Variants in SULT1B1 observed in about 807,000 individuals in gnomAD.
SULT1B1 encodes the protein sulfotransferase 1B1.
A neutral mutation model predicts 34.6 loss-of-function variants in SULT1B1; 28 were observed. That is an observed-to-expected ratio of 0.81 (90% CI 0.60 to 1.11). The LOEUF is 1.11. Ranked by LOEUF, SULT1B1 falls within the 50% of genes least tolerant of loss-of-function variation. The pLI, the probability that SULT1B1 is intolerant of heterozygous loss-of-function variation, is 0.00. For synonymous variants in SULT1B1, 147 were observed against 110.2 expected, an observed-to-expected ratio of 1.33 and a Z score of -2.09; for missense variants, 374 against 352.2, an observed-to-expected ratio of 1.06 and a Z score of -0.50.
intron 5 of SULT1B1, 63 bp from the exon 6 acceptor site, chr4:69,733,570 A>G: frequency 8.1e-7 from 1 of 1,228,562 alleles, no homozygotes; most frequent in Non-Finnish European, 1.1e-6. Flanking sequence ...CTGTCTGAAT[A>G]GTAAATCAAA....
At chr4:69,731,876 T>C (rs1718094106) in intron 6 of SULT1B1, among the ~76,000 whole-genome samples, 1 of 152,164 alleles carries the variant, frequency 6.6e-6, no homozygotes, top group African/African-American at 2.4e-5. Context: ...TGGGAAACAG[T>C]GTAATGGTTG....
At chr4:69,735,026 G>A (rs1718246501) in intron 4 of SULT1B1, among the ~76,000 whole-genome samples, 2 of 151,980 alleles carry the variant, frequency 1.3e-5, no homozygotes, top group Middle Eastern at 3.2e-3. Flanking sequence ...CACCATGTTA[G>A]CCAGGATGGT....
rs745447083 is a variant in SULT1B1 at position 69,754,724 on chromosome 4, T to C, written c.223A>G (p.Ile75Val). Residue 75 changes from isoleucine to valine, a missense_variant, in exon 3 of 8, where the codon ATT becomes GTT. Transcript: ENST00000310613. Reference sequence around the variant, plus strand: ...TCCAACATTGGAACTTTTTCAGTAATAAAACCTCGCTTACATTTTTCAATA... The same window carrying C: ...TCCAACATTGGAACTTTTTCAGTAACAAAACCTCGCTTACATTTTTCAATA... ...GDIEKCKRGF[I>V]TEKVPMLEMT... 1 of 1,613,464 alleles carries C rather than the reference T, an allele frequency of 6.2e-7. No homozygotes were observed. The highest frequency in any genetic ancestry group is 1.1e-5 in the South Asian group (1 of 91,054).
chr4:69,756,865 A>G (rs1346581897), intron 1 of SULT1B1, among the ~76,000 whole-genome samples: 2 of 152,042 alleles, frequency 1.3e-5, no homozygotes, highest in Middle Eastern at 3.2e-3. Context: ...CAGGCCTTCA[A>G]CTGATTGCGT....
intron 4 of SULT1B1, among the ~76,000 whole-genome samples, chr4:69,743,205 A>G (rs1462202598): frequency 6.6e-6 from 1 of 152,118 alleles, no homozygotes; most frequent in Non-Finnish European, 1.5e-5. Context: ...TGCATTCAGG[A>G]AGACTGAGGT....
intron 4 of SULT1B1, among the ~76,000 whole-genome samples, chr4:69,745,109 T>C (rs1718701974): frequency 6.6e-6 from 1 of 152,238 alleles, no homozygotes; most frequent in Non-Finnish European, 1.5e-5. Flanking sequence ...GGTATGATTT[T>C]GGTTTTCTTG....
chr4:69,740,610 G>C (rs1011124436), intron 4 of SULT1B1, among the ~76,000 whole-genome samples: 3 of 152,174 alleles, frequency 2.0e-5, no homozygotes, highest in Admixed American at 6.5e-5. Flanking sequence ...TTGCTACTGT[G>C]ACTAGTGCTA....
At chr4:69,730,780 A>C in intron 6 of SULT1B1, 99 bp from the exon 7 acceptor site, 1 of 1,024,066 alleles carries the variant, frequency 9.8e-7, no homozygotes. Context: ...TTGACTCTGA[A>C]TAGTATAGGA....
At chr4:69,738,110 G>C (rs149860297) in intron 4 of SULT1B1, among the ~76,000 whole-genome samples, 1 of 151,852 alleles carries the variant, frequency 6.6e-6, no homozygotes, top group Non-Finnish European at 1.5e-5. Context: ...GAGAATATAT[G>C]GTATTTGATT....
chr4:69,730,554 G>A lies in SULT1B1; in HGVS notation c.725C>T (p.Thr242Ile), dbSNP rs201698190. The change falls in exon 7 of 8, where the codon ACA becomes ATA. Residue 242 changes from threonine (T) to isoleucine (I), a missense_variant. Transcript: ENST00000310613. ...VMKDNPLVNY[T>I]HLPTTVMDHS... ...ATCCATCACTGTAGTTGGTAGATGT[G>A]TATAATTTACCAAAGGATTGTCCTT... is the stretch of plus-strand genomic sequence containing the variant. 3 of 1,612,820 alleles carry A rather than the reference G, an allele frequency of 1.9e-6. No individual in the cohort carries two copies. The African/African-American group carries it at 4.0e-5, about 22-fold the overall frequency.
intron 1 of SULT1B1, among the ~76,000 whole-genome samples, chr4:69,756,525 C>A (rs968806402): frequency 6.6e-6 from 1 of 152,112 alleles, no homozygotes; most frequent in Non-Finnish European, 1.5e-5. Context: ...CTGAGTAGAA[C>A]AAAAAGGGTG....
rs914515202 is a variant in SULT1B1 at position 69,751,393 on chromosome 4, A to C, written c.278-1575T>G. ...TTTTAATGAACCCTTTATATCCACA[A>C]GTATGAGTGTTAGCAATGTATAAAG... is the stretch of plus-strand genomic sequence containing the variant. On this transcript the variant is annotated intron_variant, in intron 3 of 7. Coordinates refer to ENST00000310613, the MANE Select transcript of SULT1B1 (RefSeq NM_014465.4). Among the ~76,000 whole-genome samples the C allele has an allele frequency of 1.8e-4, 28 of 152,232 alleles. 1 individual carries two copies. Among genetic ancestry groups the C allele is most frequent in the Non-Finnish European group, 4.4e-5 (3 of 68,040 alleles).
chr4:69,758,092 T>C (rs1451487624), intron 1 of SULT1B1, among the ~76,000 whole-genome samples: 1 of 152,186 alleles, frequency 6.6e-6, no homozygotes, highest in African/African-American at 2.4e-5. Context: ...TTAGTGGAGA[T>C]AGTCTTGTAG....
intron 5 of SULT1B1, among the ~76,000 whole-genome samples, chr4:69,733,828 G>A (rs1460389045): frequency 6.6e-6 from 1 of 152,070 alleles, no homozygotes; most frequent in African/African-American, 2.4e-5. Context: ...TATGACATAT[G>A]CATTAACAGA....
rs1475600294 is a variant in SULT1B1, at chr4:69,722,356, G to GT, written c.*4731dup. 2 of 152,008 alleles carry GT rather than the reference G, an allele frequency of 1.3e-5. No individual in the cohort carries two copies. Among genetic ancestry groups the GT allele is most frequent in the Non-Finnish European group, 2.9e-5 (2 of 67,956 alleles). 9.4% of individuals were successfully genotyped at this position (152,008 alleles called of 1,614,324 possible). The stretch of plus-strand genomic sequence containing the variant: ...ACAGATTAGAGGATAGTTTAGTGGT[G>GT]TTTTTTCCCTCAGTAATAGACCATA... On this transcript the variant is annotated 3_prime_UTR_variant, in exon 8 of 8. Coordinates refer to ENST00000310613, the MANE Select transcript of SULT1B1 (RefSeq NM_014465.4).
At position 69,721,278 on chromosome 4, in the gene SULT1B1, A is replaced by G. The variant is rs1717663980; in HGVS notation, c.*5810T>C. On this transcript the variant is annotated 3_prime_UTR_variant, in exon 8 of 8. Transcript: ENST00000310613. ...GAAATTTTACATATATATATAAAAC[A>G]GTTCTAATGATCATACATAAGAAGA... 6.6e-6 allele frequency: 1 copy of G among 152,178 alleles called. No individual in the cohort carries two copies. Among genetic ancestry groups the G allele is most frequent in the African/African-American group, 2.4e-5 (1 of 41,466 alleles). The allele number at this position is 152,178 out of a possible 1,614,324, so 9.4% of individuals were successfully genotyped here.
At position 69,733,341 on chromosome 4, in the gene SULT1B1, A is replaced by G. The variant is rs1164419072; in HGVS notation, c.597+72T>C. On this transcript the variant is annotated intron_variant, in intron 6 of 7. Transcript: ENST00000310613. ...TTTTGGACTCGATAGACTAAGTTGG[A>G]AAGCAAATATCAACCCTTTTACAGC... 3.6e-6 allele frequency: 4 copies of G among 1,102,114 alleles called. No homozygotes were observed. In the African/African-American group the frequency reaches 6.5e-5, roughly 18 times the overall value. The allele number at this position is 1,102,114 out of a possible 1,614,324, so 68.3% of individuals were successfully genotyped here.
In SULT1B1 at chr4:69,754,759, T is replaced by C. The variant is rs773780409; in HGVS notation, c.188A>G (p.Asn63Ser). The change falls in exon 3 of 8, where the codon AAT (asparagine) becomes AGT (serine). Residue 63 changes from asparagine (N) to serine (S), a missense_variant. By Grantham distance (46) the Asn-to-Ser change is conservative. Transcript: ENST00000310613. ...WVSEIIDMIL[N>S]DGDIEKCKRG... ...CTTACATTTTTCAATATCTCCATCA[T>C]TTAGAATCATGTCTATAATTTCACT... is the stretch of plus-strand genomic sequence containing the variant. 2.1e-4 allele frequency: 342 copies of C among 1,612,988 alleles called. No individual in the cohort carries two copies. Among genetic ancestry groups the C allele is most frequent in the Non-Finnish European group, 2.4e-4 (288 of 1,179,380 alleles).
intron 7 of SULT1B1, among the ~76,000 whole-genome samples, chr4:69,728,117 A>G (rs1717909560): frequency 6.6e-6 from 1 of 152,048 alleles, no homozygotes; most frequent in South Asian, 2.1e-4. Flanking sequence ...AGGGTTGAAT[A>G]AGGGTTCAAC....
Sources: gnomAD v4.1 joint callset for allele counts (sites outside exome capture counted in the v4.1 genomes callset) on GRCh38, gnomAD v4.1.1 for gene constraint, MANE v1.5 for transcripts, NCBI Gene and HGNC (gene_info 2026-07-23, HGNC 2026-07-21) for gene names.